GLB1: variants seen among roughly 807,000 people sequenced by gnomAD.
GLB1 encodes the protein galactosidase beta 1.
In GLB1, 56 loss-of-function variants were observed where a neutral mutation model predicts 74.0. The ratio of observed to expected loss-of-function variants is 0.76; its 90% CI spans 0.61 to 0.94. GLB1 has a LOEUF of 0.94. GLB1 is among the 40% of genes least tolerant of loss of function. The pLI, the probability that GLB1 is intolerant of heterozygous loss-of-function variation, is 0.00. For missense variants in GLB1, 787 were observed against 845.5 expected, an observed-to-expected ratio of 0.93 and a Z score of 0.86; for synonymous variants, 323 against 323.6, an observed-to-expected ratio of 1.00 and a Z score of 0.02.
intron 10 of GLB1, among the ~76,000 whole-genome samples, chr3:33,027,281 C>A (rs571802269): frequency 1.3e-5 from 2 of 152,402 alleles, no homozygotes; most frequent in South Asian, 4.1e-4. Context: ...CACCCTGCAG[C>A]AGCAGCAGCC....
chr3:33,007,325 C>T (rs1287093351), intron 15 of GLB1, among the ~76,000 whole-genome samples: 5 of 152,170 alleles, frequency 3.3e-5, no homozygotes, highest in East Asian at 1.9e-4. Flanking sequence ...TTCGTCACTC[C>T]GTTAAGAAGC....
the GLB1 span, among the ~76,000 whole-genome samples, chr3:32,967,857 G>A: frequency 2.0e-5 from 3 of 152,170 alleles, no homozygotes; most frequent in Non-Finnish European, 4.4e-5. Context: ...GTAGCGGAAC[G>A]GAACTGGGGG....
intron 10 of GLB1, chr3:33,033,987 T>C (rs906542927): frequency 1.6e-5 from 9 of 555,536 alleles, no homozygotes; most frequent in African/African-American, 1.5e-4. Context: ...ATCTTCAAAG[T>C]GCACAACAGA....
chr3:33,093,118 G>C lies in GLB1; in HGVS notation c.75+3893C>G, dbSNP rs778501916. The C allele has an allele frequency of 6.2e-7, 1 of 1,614,202 alleles. No homozygotes were observed. The highest frequency in any genetic ancestry group is 1.1e-5 in the South Asian group (1 of 91,084). On this transcript the variant is annotated intron_variant, in intron 1 of 15. Transcript: ENST00000307363. The surrounding 1 kb of genome is among the most constrained non-coding windows in gnomAD (Gnocchi z 6.0). Reference sequence around the variant, plus strand: ...GCTAGCAAGATGATTGTGTGGTCTGGGCTGCAGCCCTCCAGGGCCTTGTCA... The same window carrying C: ...GCTAGCAAGATGATTGTGTGGTCTGCGCTGCAGCCCTCCAGGGCCTTGTCA...
At chr3:32,998,865 G>A (rs566507849) in intron 15 of GLB1, among the ~76,000 whole-genome samples, 25 of 152,128 alleles carry the variant, frequency 1.6e-4, no homozygotes, top group Non-Finnish European at 3.1e-4. Flanking sequence ...GTCTTCTTAC[G>A]TTTGGGTATT....
chr3:32,977,366 T>C, the GLB1 span, among the ~76,000 whole-genome samples: 1 of 151,910 alleles, frequency 6.6e-6, no homozygotes, highest in Non-Finnish European at 1.5e-5. Flanking sequence ...CCACCACACC[T>C]GGCTAATTTT....
At chr3:33,060,294 A>C (rs2125536161) in intron 5 of GLB1, among the ~76,000 whole-genome samples, 1 of 152,324 alleles carries the variant, frequency 6.6e-6, no homozygotes, top group South Asian at 2.1e-4. Flanking sequence ...TGGTCATGAA[A>C]CCATCCTGGA....
chr3:33,012,121 CTCCT>C (rs1273231734), intron 15 of GLB1, among the ~76,000 whole-genome samples: 2 of 152,204 alleles, frequency 1.3e-5, no homozygotes, highest in Admixed American at 6.5e-5. Context: ...TGCATCCTCT[CTCCT>C]TGAGAGACCT....
intron 5 of GLB1, among the ~76,000 whole-genome samples, chr3:33,063,674 CAA>C (rs34958264): frequency 6.6e-6 from 1 of 152,052 alleles, no homozygotes; most frequent in South Asian, 2.1e-4. Flanking sequence ...AAGAGGGCAT[CAA>C]AAGAGGGTTT....
chr3:33,044,886 T>C (rs1698678595), intron 10 of GLB1, among the ~76,000 whole-genome samples: 1 of 152,132 alleles, frequency 6.6e-6, no homozygotes, highest in Non-Finnish European at 1.5e-5. Context: ...CTAGGTGCAT[T>C]AGGTGCCTCA....
intron 10 of GLB1, chr3:33,030,934 T>G (rs1257534748): frequency 1.8e-6 from 1 of 564,596 alleles, no homozygotes; most frequent in African/African-American, 2.0e-5. Context: ...TGCCCTATAT[T>G]TTTATGGTTC....
intron 2 of GLB1, among the ~76,000 whole-genome samples, chr3:33,070,726 G>A (rs1699859589): frequency 6.6e-6 from 1 of 152,168 alleles, no homozygotes; most frequent in Non-Finnish European, 1.5e-5. Flanking sequence ...AGCAGTGCCT[G>A]TAATCCCAAC....
chr3:32,977,282 C>CCGCAA, the GLB1 span, among the ~76,000 whole-genome samples: 1 of 151,282 alleles, frequency 6.6e-6, no homozygotes, highest in Non-Finnish European at 1.5e-5. Context: ...TCTCGGCTCA[C>CCGCAA]TGCAATCTCC....
intron 1 of GLB1, among the ~76,000 whole-genome samples, chr3:33,080,391 T>C (rs1033790552): frequency 2.0e-5 from 3 of 152,232 alleles, no homozygotes; most frequent in African/African-American, 7.2e-5. Context: ...TAAAAGTTTT[T>C]AAAAACATGC....
At chr3:32,983,179 T>C in the GLB1 span, among the ~76,000 whole-genome samples, 2 of 152,228 alleles carry the variant, frequency 1.3e-5, no homozygotes, top group Non-Finnish European at 2.9e-5. Context: ...CCATTATTTC[T>C]TCAAATACTA....
Position 33,065,591 on chromosome 3 carries a change from C to G in GLB1, c.458-34G>C, listed in dbSNP as rs375244777. 2.6e-6 allele frequency: 4 copies of G among 1,552,158 alleles called. No individual in the cohort carries two copies. The East Asian group carries it at 9.7e-5, about 38-fold the overall frequency. On this transcript the variant is annotated intron_variant, in intron 4 of 15. Transcript: ENST00000307363. ...CAAGAAAAGTTTAACACAAGCTTGT[C>G]CAACCCCAGCCTGTAAGCCACATGC...
chr3:33,025,963 C>CT (rs1202672350), intron 10 of GLB1, among the ~76,000 whole-genome samples: 1 of 152,230 alleles, frequency 6.6e-6, no homozygotes, highest in East Asian at 1.9e-4. Flanking sequence ...TGGTCAGTCC[C>CT]TGAAGCCCGC....
the GLB1 span, among the ~76,000 whole-genome samples, chr3:32,981,279 T>C: frequency 1.9e-4 from 28 of 149,610 alleles, no homozygotes; most frequent in Non-Finnish European, 3.0e-4. Context: ...GGCATACACC[T>C]GTAGTCCCAG....
intron 1 of GLB1, among the ~76,000 whole-genome samples, chr3:33,078,488 C>G (rs1700209970): frequency 6.6e-6 from 1 of 152,170 alleles, no homozygotes; most frequent in Admixed American, 6.6e-5. Context: ...ACAGTCTCAT[C>G]TAGAAAGTAG....
Sources: allele counts gnomAD v4.1 joint callset (sites outside exome capture counted in the v4.1 genomes callset), GRCh38; gene constraint gnomAD v4.1.1; non-coding constraint Gnocchi (gnomAD v3.1); transcripts MANE v1.5; gene names NCBI Gene and HGNC (gene_info 2026-07-23, HGNC 2026-07-21).